SATL1: variants seen among roughly 807,000 people sequenced by gnomAD.
The protein encoded by SATL1 is spermidine/spermine N1-acetyl transferase like 1.
A neutral mutation model predicts 51.8 loss-of-function variants in SATL1; 47 were observed. The observed-to-expected ratio is 0.91, with a 90% confidence interval of 0.72 to 1.16. The LOEUF (loss-of-function observed/expected upper bound fraction) is 1.16. Among genes scored for constraint, SATL1 ranks in the 50% most tolerant of loss-of-function variants. SATL1 has a pLI of 0.00. For synonymous variants in SATL1, 176 were observed against 182.4 expected, an observed-to-expected ratio of 0.97 and a Z score of 0.28; for missense variants, 520 against 526.4, an observed-to-expected ratio of 0.99 and a Z score of 0.12.
chrX:85,207,097 T>C (rs908789337), intron 2 of SATL1: 3 of 111,646 alleles, frequency 2.7e-5, no homozygotes, highest in Non-Finnish European at 5.6e-5. Flanking sequence ...AATATTTGTC[T>C]CAGAGAGTAG....
intron 2 of SATL1, among the ~76,000 whole-genome samples, chrX:85,203,495 C>A (rs1378028047): frequency 9.0e-6 from 1 of 111,431 alleles, no homozygotes; most frequent in Non-Finnish European, 1.9e-5. Flanking sequence ...AAGATGGCAT[C>A]CCACCCCTCT....
intron 1 of SATL1, among the ~76,000 whole-genome samples, chrX:85,240,213 T>C (rs941860160): frequency 5.4e-5 from 6 of 112,133 alleles, no homozygotes; most frequent in Admixed American, 3.8e-4. Context: ...AAACAGGTGT[T>C]AATTATTAGC....
intron 2 of SATL1, chrX:85,209,505 T>C (rs1014175606): frequency 1.8e-5 from 2 of 112,022 alleles, no homozygotes; most frequent in African/African-American, 6.5e-5. Flanking sequence ...TTCCTATCCA[T>C]GAGCATGGAA....
At chrX:85,130,642 C>T (rs775695700) in intron 2 of SATL1, among the ~76,000 whole-genome samples, 2 of 111,272 alleles carry the variant, frequency 1.8e-5, no homozygotes, top group South Asian at 7.5e-4. Flanking sequence ...GTGTCTCTAT[C>T]TCCTTCTGTT....
intron 2 of SATL1, among the ~76,000 whole-genome samples, chrX:85,130,540 A>T (rs1375097886): frequency 9.1e-6 from 1 of 109,789 alleles, no homozygotes; most frequent in Non-Finnish European, 1.9e-5. Context: ...TCTCCCTTTT[A>T]TTCTTTATTA....
intron 2 of SATL1, chrX:85,210,311 G>C (rs1390329454): frequency 9.9e-6 from 1 of 101,436 alleles, no homozygotes; most frequent in Admixed American, 1.1e-4. Flanking sequence ...TACTCTTTAA[G>C]TTTTGCTTAG....
At chrX:85,139,777 G>C (rs1321378559) in intron 2 of SATL1, among the ~76,000 whole-genome samples, 1 of 111,528 alleles carries the variant, frequency 9.0e-6, no homozygotes, top group Non-Finnish European at 1.9e-5. Flanking sequence ...CCTTTTTCAA[G>C]ATAAGAATCT....
intron 2 of SATL1, among the ~76,000 whole-genome samples, chrX:85,141,837 C>A (rs190468844): frequency 8.3e-5 from 9 of 108,599 alleles, no homozygotes; most frequent in African/African-American, 3.0e-4. Context: ...GATTTATAAC[C>A]TTTTGTATCT....
chrX:85,135,305 C>T (rs1302476409), intron 2 of SATL1, among the ~76,000 whole-genome samples: 1 of 110,342 alleles, frequency 9.1e-6, no homozygotes, highest in Admixed American at 9.7e-5. Context: ...ACCTGCACAT[C>T]CTGCACATGT....
intron 2 of SATL1, among the ~76,000 whole-genome samples, chrX:85,206,516 G>A (rs921304212): frequency 1.3e-4 from 15 of 111,802 alleles, no homozygotes; most frequent in Non-Finnish European, 2.4e-4. Context: ...GGAGGACAGA[G>A]CAATTACTAT....
chrX:85,118,103 T>TTTTTTTTTTTTTTTTTTTTC (rs1925425660), intron 2 of SATL1, among the ~76,000 whole-genome samples: 2 of 98,470 alleles, frequency 2.0e-5, no homozygotes, highest in Non-Finnish European at 2.1e-5. Flanking sequence ...TTTTTTTTTT[T>TTTTTTTTTTTTTTTTTTTTC]CCAGAGTGCA....
chrX:85,157,518 C>A (rs1368757173), intron 2 of SATL1, among the ~76,000 whole-genome samples: 2 of 111,086 alleles, frequency 1.8e-5, no homozygotes, highest in African/African-American at 6.5e-5. Flanking sequence ...TAGGAGACAC[C>A]TTTCTTTTTC....
At chrX:85,146,255 A>G (rs974922518) in intron 2 of SATL1, among the ~76,000 whole-genome samples, 1 of 111,888 alleles carries the variant, frequency 8.9e-6, no homozygotes, top group African/African-American at 3.3e-5. Context: ...TTAATCTCTT[A>G]CTATGTCCAA....
At position 85,216,073 on chromosome X, in the gene SATL1, C is replaced by T. The variant is rs186276254; in HGVS notation, c.-313+8132G>A. On this transcript the variant is annotated intron_variant, in intron 2 of 7. Coordinates refer to ENST00000644105, the MANE Select transcript of SATL1 (RefSeq NM_001367857.2). ...CCGGGAGTCTGGTGAAAGCCTCAAT[C>T]TGTTTCCACTAATGGCAGAAAATGA... is the stretch of plus-strand genomic sequence containing the variant. Among the ~76,000 whole-genome samples the T allele has an allele frequency of 5.3e-4, 59 of 111,909 alleles. No homozygotes were observed. In the South Asian group the frequency reaches 7.2e-3, roughly 14 times the overall value.
At chrX:85,136,893 G>A (rs144019871) in intron 2 of SATL1, among the ~76,000 whole-genome samples, 1 of 111,513 alleles carries the variant, frequency 9.0e-6, no homozygotes, top group Non-Finnish European at 1.9e-5. Flanking sequence ...CTTCCAACAG[G>A]CTGTGCTATA....
chrX:85,189,946 T>C (rs1189376956), intron 2 of SATL1, among the ~76,000 whole-genome samples: 3 of 112,439 alleles, frequency 2.7e-5, no homozygotes, highest in Non-Finnish European at 3.8e-5. Flanking sequence ...TTTAGAAATA[T>C]AAAAGCTTAA....
At chrX:85,136,113 C>T (rs1925949111) in intron 2 of SATL1, among the ~76,000 whole-genome samples, 1 of 109,899 alleles carries the variant, frequency 9.1e-6, no homozygotes, top group Admixed American at 9.9e-5. Flanking sequence ...AGGAAGACCC[C>T]TGGATTTTGG....
At chrX:85,171,513 A>G (rs1006040381) in intron 2 of SATL1, among the ~76,000 whole-genome samples, 1 of 111,595 alleles carries the variant, frequency 9.0e-6, no homozygotes, top group African/African-American at 3.2e-5. Flanking sequence ...AAGAAAATCT[A>G]GCTTTCTTTT....
chrX:85,163,705 T>C (rs1263596714), intron 2 of SATL1, among the ~76,000 whole-genome samples: 3 of 111,789 alleles, frequency 2.7e-5, no homozygotes, highest in Non-Finnish European at 5.6e-5. Context: ...GAATGTTCCA[T>C]GTGCTGATGA....
Sources: gnomAD v4.1 joint callset for allele counts (sites outside exome capture counted in the v4.1 genomes callset) on GRCh38, gnomAD v4.1.1 for gene constraint, MANE v1.5 for transcripts, NCBI Gene and HGNC (gene_info 2026-07-23, HGNC 2026-07-21) for gene names.